Variants in KLHL20 observed in about 807,000 individuals in gnomAD.
The protein encoded by KLHL20 is kelch-like protein 20.
Under a neutral mutation model 69.5 loss-of-function variants are expected in KLHL20, and 29 were observed. The ratio of observed to expected loss-of-function variants is 0.42; its 90% CI spans 0.31 to 0.57. KLHL20 has a LOEUF of 0.57. KLHL20 is among the 20% of genes least tolerant of loss of function. The pLI, the probability that KLHL20 is intolerant of heterozygous loss-of-function variation, is 0.18. For synonymous variants in KLHL20, 253 were observed against 265.2 expected, an observed-to-expected ratio of 0.95 and a Z score of 0.45; for missense variants, 419 against 776.0, an observed-to-expected ratio of 0.54 and a Z score of 5.47.
chr1:173,774,097 A>G (rs1648293798), intron 8 of KLHL20, among the ~76,000 whole-genome samples: 1 of 152,182 alleles, frequency 6.6e-6, no homozygotes, highest in Non-Finnish European at 1.5e-5. Context: ...ACATTTTCCA[A>G]GTATGAGTGT....
intron 2 of KLHL20, among the ~76,000 whole-genome samples, chr1:173,720,109 G>A (rs1315680041): frequency 1.3e-5 from 2 of 152,132 alleles, no homozygotes; most frequent in Non-Finnish European, 2.9e-5. Flanking sequence ...ATGACAGGGC[G>A]AGACTTCATC....
chr1:173,769,463 G>A (rs993399052), intron 8 of KLHL20, among the ~76,000 whole-genome samples: 3 of 152,064 alleles, frequency 2.0e-5, no homozygotes, highest in Admixed American at 1.3e-4. Flanking sequence ...AAAAGAGAAA[G>A]CCAAGACAAA....
intron 3 of KLHL20, among the ~76,000 whole-genome samples, chr1:173,743,877 G>A (rs1672943498): frequency 6.6e-6 from 1 of 152,044 alleles, no homozygotes; most frequent in East Asian, 1.9e-4. Flanking sequence ...TACTCCTTGT[G>A]TGGATGTACC....
intron 7 of KLHL20, among the ~76,000 whole-genome samples, chr1:173,765,495 T>G (rs1371954133): frequency 1.3e-5 from 2 of 149,978 alleles, no homozygotes. Context: ...AGAGCGAGAC[T>G]CCGTCTCAAA....
intron 2 of KLHL20, among the ~76,000 whole-genome samples, chr1:173,731,310 A>G (rs984257699): frequency 1.1e-4 from 17 of 152,198 alleles, no homozygotes; most frequent in Admixed American, 2.0e-4. Context: ...TCAGTGTGGC[A>G]ATTCCTCAGG....
In KLHL20 at chr1:173,741,954, GGGAA is replaced by G. The variant is rs1672826376; in HGVS notation, c.597+7669_597+7672del. On this transcript the variant is annotated intron_variant, in intron 3 of 11. Coordinates refer to ENST00000209884, the MANE Select transcript of KLHL20 (RefSeq NM_014458.4). ...AAAAGCACTCTGAATCAAGATAAGT[GGGAA>G]ACCATCTCGATAAACACATTTTGGA... 4 of 829,588 alleles carry G rather than the reference GGGAA, an allele frequency of 4.8e-6. No individual in the cohort carries two copies. The East Asian group carries it at 1.0e-4, about 22-fold the overall frequency. 51.4% of individuals were successfully genotyped at this position (829,588 alleles called of 1,614,324 possible). A position where few individuals can be genotyped will look rare whatever the true frequency, so the allele number is the denominator to read the frequency against.
chr1:173,716,541 C>T (rs73035115), intron 2 of KLHL20, among the ~76,000 whole-genome samples: 3,851 of 152,094 alleles, frequency 0.025, 175 homozygotes, highest in African/African-American at 0.089. Flanking sequence ...TGTATAAGGA[C>T]TAAAATAGGT....
chr1:173,737,561 ATTC>A (rs1180741862), intron 3 of KLHL20, among the ~76,000 whole-genome samples: 7 of 152,288 alleles, frequency 4.6e-5, no homozygotes, highest in Non-Finnish European at 7.4e-5. Flanking sequence ...TGGGTTCTCT[ATTC>A]TTTCCATTGG....
In KLHL20 at chr1:173,739,179, T is replaced by A. The variant is rs111338653; in HGVS notation, c.597+4893T>A. Among the ~76,000 whole-genome samples, 1,401 of 152,116 alleles carry A rather than the reference T, an allele frequency of 9.2e-3. 21 individuals carry two copies. The highest frequency in any genetic ancestry group is 0.031 in the African/African-American group (1,275 of 41,480). ...CCTCCACCTCCCACATTCAAGCGATTCTCCTGCCTTAGCCTCCCGAGTATC... is the reference window on the plus strand; with the variant it reads ...CCTCCACCTCCCACATTCAAGCGATACTCCTGCCTTAGCCTCCCGAGTATC... On this transcript the variant is annotated intron_variant, in intron 3 of 11. Coordinates refer to ENST00000209884, the MANE Select transcript of KLHL20 (RefSeq NM_014458.4).
chr1:173,735,073 A>AGG (rs1363832474), intron 3 of KLHL20, among the ~76,000 whole-genome samples: 3 of 152,162 alleles, frequency 2.0e-5, no homozygotes, highest in Non-Finnish European at 4.4e-5. Flanking sequence ...CCAGAGACCA[A>AGG]GGGGGGTAGA....
chr1:173,727,418 T>C (rs529102132), intron 2 of KLHL20, among the ~76,000 whole-genome samples: 23 of 152,022 alleles, frequency 1.5e-4, no homozygotes, highest in Non-Finnish European at 2.6e-4. Context: ...AGATACTCCT[T>C]GAGAAGAGCA....
intron 10 of KLHL20, 85 bp from the exon 11 acceptor site, chr1:173,782,039 T>C: frequency 1.1e-6 from 1 of 912,650 alleles, no homozygotes; most frequent in Non-Finnish European, 1.8e-6. Flanking sequence ...TTATCTTTTG[T>C]AAATAGATTT....
At chr1:173,753,181 T>G in intron 4 of KLHL20, 32 bp from the exon 5 acceptor site, 1 of 1,544,888 alleles carries the variant, frequency 6.5e-7, no homozygotes, top group Non-Finnish European at 8.9e-7. Context: ...CAAAATTAAT[T>G]AATTAAAATA....
At chr1:173,750,723 T>C (rs1291500549) in intron 3 of KLHL20, among the ~76,000 whole-genome samples, 3 of 151,724 alleles carry the variant, frequency 2.0e-5, no homozygotes, top group Non-Finnish European at 4.4e-5. Context: ...CTTAGCTAAT[T>C]TTTTTATTTT....
chr1:173,726,728 C>G (rs1671984031), intron 2 of KLHL20, among the ~76,000 whole-genome samples: 1 of 152,100 alleles, frequency 6.6e-6, no homozygotes, highest in South Asian at 2.1e-4. Flanking sequence ...GAAAATACAT[C>G]CACACCAAAA....
chr1:173,741,039 A>G (rs1469346534), intron 3 of KLHL20, among the ~76,000 whole-genome samples: 2 of 152,088 alleles, frequency 1.3e-5, no homozygotes, highest in African/African-American at 4.8e-5. Flanking sequence ...AATTCACTTC[A>G]GCTGTAGGTA....
intron 8 of KLHL20, 110 bp downstream of exon 8, chr1:173,766,399 C>T (rs1196713324): frequency 1.1e-6 from 1 of 895,606 alleles, no homozygotes; most frequent in Non-Finnish European, 1.5e-6. Context: ...AATCCTAGCA[C>T]TTTGGAAGGC....
chr1:173,783,000 T>G (rs779662355), intron 11 of KLHL20, among the ~76,000 whole-genome samples: 5 of 152,190 alleles, frequency 3.3e-5, no homozygotes, highest in Non-Finnish European at 7.3e-5. Context: ...ATCTTATAGA[T>G]GCCCTAAAAA....
chr1:173,742,987 A>G lies in KLHL20; in HGVS notation c.597+8701A>G, dbSNP rs372599528. Among the ~76,000 whole-genome samples, 24 of 151,884 alleles carry G rather than the reference A, an allele frequency of 1.6e-4. No individual in the cohort carries two copies. The East Asian group carries it at 4.3e-3, about 27-fold the overall frequency. The stretch of plus-strand genomic sequence containing the variant: ...ATCATGAACTAAAAAATCAATGTCA[A>G]ACTCAGAAAATCTATTTGGAACATA... On this transcript the variant is annotated intron_variant, in intron 3 of 11. Coordinates refer to ENST00000209884, the MANE Select transcript of KLHL20 (RefSeq NM_014458.4).
Sources: gnomAD v4.1 joint callset for allele counts (sites outside exome capture counted in the v4.1 genomes callset) on GRCh38, gnomAD v4.1.1 for gene constraint, MANE v1.5 for transcripts, NCBI Gene and HGNC (gene_info 2026-07-23, HGNC 2026-07-21) for gene names.